The following CUX2 variants were observed in gnomAD, a reference collection of about 807,000 sequenced individuals.
The protein encoded by CUX2 is cut like homeobox 2, also known as homeobox protein cut-like 2.
Under a neutral mutation model 144.8 loss-of-function variants are expected in CUX2, and 40 were observed. The ratio of observed to expected loss-of-function variants is 0.28; its 90% confidence interval spans 0.21 to 0.36. The LOEUF is 0.36. Among genes scored for constraint, CUX2 ranks in the 10% least tolerant of loss-of-function variants. CUX2 has a pLI of 1.00. For synonymous variants in CUX2, 827 were observed against 875.6 expected (o/e 0.94, Z 0.98); for missense variants, 1,615 against 1,994.0 (o/e 0.81, Z 3.62).
intron 1 of CUX2, among the ~76,000 whole-genome samples, chr12:111,141,496 C>T (rs960033641): frequency 6.6e-6 from 1 of 152,132 alleles, no homozygotes; most frequent in African/African-American, 2.4e-5. Context: ...CATGCTAAGC[C>T]TCATCTAAGT....
intron 1 of CUX2, among the ~76,000 whole-genome samples, chr12:111,056,957 G>A (rs1448067193): frequency 1.3e-5 from 2 of 152,022 alleles, no homozygotes; most frequent in South Asian, 2.1e-4. Flanking sequence ...GTAGGGAGTG[G>A]GTGTGACAGG....
At chr12:111,067,886 A>G (rs1871087473) in intron 1 of CUX2, among the ~76,000 whole-genome samples, 2 of 152,180 alleles carry the variant, frequency 1.3e-5, no homozygotes, top group Admixed American at 1.3e-4. Flanking sequence ...TGACATGGCC[A>G]TGTTCGTGTC....
At chr12:111,134,618 C>CTGTGTGTGTGTGTG (rs773865569) in intron 1 of CUX2, among the ~76,000 whole-genome samples, 53 of 146,224 alleles carry the variant, frequency 3.6e-4, no homozygotes, top group African/African-American at 1.3e-3. Context: ...CTCTCTCTCT[C>CTGTGTGTGTGTGTG]TCTGTGTGTG....
chr12:111,264,501 G>A lies in CUX2; in HGVS notation c.301+662G>A, dbSNP rs187240492. The stretch of plus-strand genomic sequence containing the variant: ...TGTAATCTCAGCACTTTAGGAGGCC[G>A]AGGTGGGCCGATCACCTGAGGTCAG... On this transcript the variant is annotated intron_variant, in intron 4 of 21. Transcript: ENST00000261726. Among the ~76,000 whole-genome samples, 180 of 152,286 alleles carry A rather than the reference G, an allele frequency of 1.2e-3. 2 individuals are homozygous for A. Among genetic ancestry groups the A allele is most frequent in the African/African-American group, 4.0e-3 (168 of 41,544 alleles).
At chr12:111,043,918 G>A (rs1480391173) in intron 1 of CUX2, among the ~76,000 whole-genome samples, 4 of 152,156 alleles carry the variant, frequency 2.6e-5, no homozygotes, top group Non-Finnish European at 4.4e-5. Flanking sequence ...TTCAGGGAGC[G>A]TGATAGGACC....
intron 1 of CUX2, among the ~76,000 whole-genome samples, chr12:111,096,476 C>T (rs1196998353): frequency 6.6e-6 from 1 of 152,198 alleles, no homozygotes; most frequent in African/African-American, 2.4e-5. Context: ...GCTTTTATCA[C>T]TTACACCCAT....
intron 1 of CUX2, among the ~76,000 whole-genome samples, chr12:111,141,227 AACACAC>A (rs111451932): frequency 2.0e-5 from 3 of 147,348 alleles, no homozygotes; most frequent in Admixed American, 6.8e-5. Flanking sequence ...GGCTTAGGTC[AACACAC>A]ACACACACAC....
At chr12:111,306,555 T>C (rs1279688039) in intron 10 of CUX2, among the ~76,000 whole-genome samples, 1 of 151,954 alleles carries the variant, frequency 6.6e-6, no homozygotes, top group Non-Finnish European at 1.5e-5. Context: ...ATCCTGAGGG[T>C]CCCTTATTGC....
At chr12:111,283,256 G>C (rs1475232836) in intron 4 of CUX2, among the ~76,000 whole-genome samples, 1 of 152,054 alleles carries the variant, frequency 6.6e-6, no homozygotes, top group Non-Finnish European at 1.5e-5. Context: ...AGTCACATGG[G>C]GGGCAGGTTA....
At chr12:111,249,102 CAT>C (rs766363654) in intron 3 of CUX2, among the ~76,000 whole-genome samples, 1 of 152,158 alleles carries the variant, frequency 6.6e-6, no homozygotes, top group Non-Finnish European at 1.5e-5. Context: ...GTGGGACACA[CAT>C]GTGCAGGGAG....
rs758366127 is a variant in CUX2 at position 111,304,354 on chromosome 12, G to A, written c.858+40G>A. ...GGGGAAGTGAGCAGGGAGGGCAGAG[G>A]GAAAGATCGGGAATGGCTGAGTTTG... is the stretch of plus-strand genomic sequence containing the variant. On this transcript the variant is annotated intron_variant, in intron 10 of 21. Coordinates refer to ENST00000261726, the MANE Select transcript of CUX2 (RefSeq NM_015267.4). The surrounding 1 kb of genome is among the most constrained non-coding windows in gnomAD (Gnocchi z 4.7). The A allele has an allele frequency of 1.3e-6, 2 of 1,516,730 alleles. No individual in the cohort carries two copies. Among genetic ancestry groups the A allele is most frequent in the South Asian group, 1.2e-5 (1 of 86,714 alleles). The allele number at this position is 1,516,730 out of a possible 1,614,324, so 94.0% of individuals were successfully genotyped here.
rs1217618931 is a variant in CUX2, at chr12:111,310,323, C to T, written c.1541C>T (p.Ala514Val). Residue 514 changes from alanine to valine, a missense_variant, in exon 15 of 22, where the codon GCC (alanine) becomes GTC (valine). Ala to Val is a moderately conservative substitution (Grantham distance 64, BLOSUM62 0). Around this residue, in one of 12 missense-constraint regions of CUX2, gnomAD observed 154 missense variants for 148.4 expected, o/e 1.04. Coordinates refer to ENST00000261726, the MANE Select transcript of CUX2 (RefSeq NM_015267.4). The surrounding 1 kb of genome is among the most constrained non-coding windows in gnomAD (Gnocchi z 7.9). ...GTGTTCCCCCCAGCCTTCTATGGCG[C>T]CAAGCCCCCCACAGCCCCTGCCACC... ...LLVFPPAFYG[A>V]KPPTAPATPA... is the part of the protein sequence containing the mutation. 1 of 1,512,398 alleles carries T rather than the reference C, an allele frequency of 6.6e-7. No individual in the cohort carries two copies. Among genetic ancestry groups the T allele is most frequent in the Non-Finnish European group, 8.9e-7 (1 of 1,126,660 alleles). The allele number at this position is 1,512,398 out of a possible 1,614,324, so 93.7% of individuals were successfully genotyped here. A position where few individuals can be genotyped will look rare whatever the true frequency, so the allele number is the denominator to read the frequency against.
In CUX2 at chr12:111,349,480, C is replaced by T. The variant is rs1888962824; in HGVS notation, c.*1155C>T. On this transcript the variant is annotated 3_prime_UTR_variant, in exon 22 of 22. Coordinates refer to ENST00000261726, the MANE Select transcript of CUX2 (RefSeq NM_015267.4). ...CCCCAGCTCCCCTTCTCGCCATCTT[C>T]TTTCTCAAGTTGACCGTGGTGCTGT... The T allele has an allele frequency of 6.6e-6, 1 of 152,264 alleles. No homozygotes were observed. The highest frequency in any genetic ancestry group is 2.1e-4 in the South Asian group (1 of 4,832). 9.4% of individuals were successfully genotyped at this position (152,264 alleles called of 1,614,324 possible).
intron 1 of CUX2, among the ~76,000 whole-genome samples, chr12:111,052,689 C>CTG (rs34334186): frequency 0.039 from 6,001 of 151,968 alleles, 407 homozygotes; most frequent in African/African-American, 0.14. Context: ...ATGTGGGGAT[C>CTG]TGTGTGTGTG....
intron 1 of CUX2, among the ~76,000 whole-genome samples, chr12:111,148,308 A>C (rs959353710): frequency 6.7e-6 from 1 of 150,110 alleles, no homozygotes; most frequent in Non-Finnish European, 1.5e-5. Flanking sequence ...TTCCACTTAC[A>C]GGAGGTCCCT....
intron 18 of CUX2, among the ~76,000 whole-genome samples, chr12:111,330,666 T>G (rs1188429228): frequency 8.0e-6 from 1 of 124,838 alleles, no homozygotes; most frequent in Non-Finnish European, 1.7e-5. Context: ...AAACCCTATC[T>G]CTATTTAAAA....
intron 1 of CUX2, among the ~76,000 whole-genome samples, chr12:111,181,774 C>G (rs1272586214): frequency 6.6e-6 from 1 of 152,204 alleles, no homozygotes; most frequent in Non-Finnish European, 1.5e-5. Context: ...AGCAATTTTG[C>G]TGAGGCTGTC....
intron 1 of CUX2, among the ~76,000 whole-genome samples, chr12:111,091,693 A>G (rs1872562612): frequency 6.6e-6 from 1 of 152,190 alleles, no homozygotes; most frequent in African/African-American, 2.4e-5. Context: ...GTGGTTCTGG[A>G]GGCCAGAAGT....
At chr12:111,196,619 A>C (rs1592828055) in intron 1 of CUX2, among the ~76,000 whole-genome samples, 1 of 152,316 alleles carries the variant, frequency 6.6e-6, no homozygotes, top group East Asian at 1.9e-4. Context: ...GCACATCCTC[A>C]GGTGTTCTAA....
Sources: allele counts gnomAD v4.1 joint callset (sites outside exome capture counted in the v4.1 genomes callset), GRCh38; gene constraint gnomAD v4.1.1; regional missense constraint gnomAD v4.1.1; non-coding constraint Gnocchi (gnomAD v3.1); transcripts MANE v1.5; gene names NCBI Gene and HGNC (gene_info 2026-07-23, HGNC 2026-07-21).